The following BIN1 variants were observed in gnomAD, a reference collection of about 807,000 sequenced individuals.
BIN1 encodes the protein myc box-dependent-interacting protein 1.
Under a neutral mutation model 82.0 loss-of-function variants are expected in BIN1, and 53 were observed. The observed-to-expected ratio is 0.65, with a 90% CI of 0.52 to 0.81. The LOEUF is 0.81. Ranked by LOEUF, BIN1 falls within the 40% of genes least tolerant of loss-of-function variation. The pLI is 0.00. For missense variants in BIN1, 642 were observed against 784.4 expected (o/e 0.82, Z 2.17); for synonymous variants, 302 against 328.0 (o/e 0.92, Z 0.86).
At chr2:127,081,700 C>CT in intron 1 of BIN1, 2 of 1,025,262 alleles carry the variant, frequency 2.0e-6, no homozygotes, top group Non-Finnish European at 2.6e-6. Flanking sequence ...CCCCTCGTCC[C>CT]TGCAGTGGCA....
intron 14 of BIN1, 96 bp from the exon 15 acceptor site, chr2:127,052,458 A>C: frequency 8.1e-7 from 1 of 1,230,462 alleles, no homozygotes. Flanking sequence ...AAATGTCACC[A>C]GCGGCTGGGG....
At chr2:127,062,842 G>C (rs1408089306) in intron 9 of BIN1, among the ~76,000 whole-genome samples, 1 of 152,182 alleles carries the variant, frequency 6.6e-6, no homozygotes, top group Non-Finnish European at 1.5e-5. Context: ...AAAAGGAAAA[G>C]TTAAGAAGGA....
At position 127,082,771 on chromosome 2, in the gene BIN1, C is replaced by T. The variant is rs1475759850; in HGVS notation, c.85-6065G>A. ...CTCTCCCGGCTGCTGCTCACACCTC[C>T]CCATCCCCACTCCGACAGTGGAGCC... is the stretch of plus-strand genomic sequence containing the variant. On this transcript the variant is annotated intron_variant, in intron 1 of 18. Transcript: ENST00000316724. This position sits in a 1 kb window ranked among gnomAD's most constrained non-coding sequence, Gnocchi z 6.1. Among the ~76,000 whole-genome samples, 5 of 152,206 alleles carry T rather than the reference C, an allele frequency of 3.3e-5. No homozygotes were observed. Among genetic ancestry groups the T allele is most frequent in the Non-Finnish European group, 7.4e-5 (5 of 68,004 alleles).
chr2:127,069,872 G>C, intron 5 of BIN1, 123 bp downstream of exon 5: 7 of 983,414 alleles, frequency 7.1e-6, no homozygotes, highest in Admixed American at 4.2e-5. Context: ...GTGAAACACC[G>C]GGCCAGGCGC....
chr2:127,090,643 G>A lies in BIN1; in HGVS notation c.85-13937C>T, dbSNP rs1336490324. ...TGAGCTCAGTGGGGGAACAGCCTGT[G>A]CTGGGAGGAGCAGAGCACCAGCCCA... is the stretch of plus-strand genomic sequence containing the variant. On this transcript the variant is annotated intron_variant, in intron 1 of 18. Coordinates refer to ENST00000316724, the MANE Select transcript of BIN1 (RefSeq NM_139343.3). The surrounding 1 kb of genome is among the most constrained non-coding windows in gnomAD (Gnocchi z 6.4). Among the ~76,000 whole-genome samples, 4 of 152,210 alleles carry A rather than the reference G, an allele frequency of 2.6e-5. No homozygotes were observed. The highest frequency in any genetic ancestry group is 6.5e-5 in the Admixed American group (1 of 15,282).
chr2:127,095,964 G>T (rs1679547464), intron 1 of BIN1, among the ~76,000 whole-genome samples: 1 of 152,192 alleles, frequency 6.6e-6, no homozygotes, highest in African/African-American at 2.4e-5. Context: ...TGAGAGAGGA[G>T]TCTCCCACTT....
intron 12 of BIN1, chr2:127,054,241 G>A: frequency 1.7e-6 from 1 of 581,264 alleles, no homozygotes; most frequent in Non-Finnish European, 3.2e-6. Flanking sequence ...CCCCGGCACA[G>A]GCTCCCGCCC....
chr2:127,058,861 G>T lies in BIN1; in HGVS notation c.1002+150C>A, dbSNP rs975881348. On this transcript the variant is annotated intron_variant, in intron 11 of 18. Transcript: ENST00000316724. ...GCTGGATGGGGGAAAGGAGACCCAG[G>T]TCCAGGCCCAACCCCCACTGGGCAA... The T allele has an allele frequency of 7.9e-6, 10 of 1,261,304 alleles. No homozygotes were observed. The African/African-American group carries it at 1.5e-4, about 19-fold the overall frequency. The allele number at this position is 1,261,304 out of a possible 1,614,324, so 78.1% of individuals were successfully genotyped here. A position where few individuals can be genotyped will look rare whatever the true frequency, so the allele number is the denominator to read the frequency against.
chr2:127,069,938 C>T, intron 5 of BIN1, 57 bp downstream of exon 5: 1 of 1,568,158 alleles, frequency 6.4e-7, no homozygotes, highest in South Asian at 1.1e-5. Flanking sequence ...TAGGCCCTGT[C>T]CTCTCTCCAG....
At chr2:127,049,109 CG>C (rs1682543733) in intron 18 of BIN1, among the ~76,000 whole-genome samples, 1 of 152,204 alleles carries the variant, frequency 6.6e-6, no homozygotes, top group Non-Finnish European at 1.5e-5. Flanking sequence ...AGGTGGGTCA[CG>C]GGGAGCCGTA....
At chr2:127,069,306 C>T (rs77374805) in intron 5 of BIN1, among the ~76,000 whole-genome samples, 1,652 of 152,266 alleles carry the variant, frequency 0.011, 29 homozygotes, top group African/African-American at 0.038. Flanking sequence ...TTGGCCTGGC[C>T]CCTGGCTTCT....
intron 1 of BIN1, among the ~76,000 whole-genome samples, chr2:127,084,535 A>C (rs1468857271): frequency 1.3e-5 from 2 of 152,136 alleles, no homozygotes; most frequent in Admixed American, 6.5e-5. Context: ...TTCTCCAAGG[A>C]ACCCTGATTT....
chr2:127,075,799 GCC>G (rs147025393), intron 2 of BIN1, among the ~76,000 whole-genome samples: 2 of 57,682 alleles, frequency 3.5e-5, no homozygotes, highest in South Asian at 6.0e-4. Flanking sequence ...CCTCCCAGCT[GCC>G]CCCCCCACCG....
intron 1 of BIN1, among the ~76,000 whole-genome samples, chr2:127,089,931 C>A (rs111235477): frequency 6.6e-5 from 10 of 151,690 alleles, no homozygotes; most frequent in African/African-American, 1.7e-4. Context: ...CTGCTCCCCC[C>A]ACCCAGGGCT....
intron 7 of BIN1, among the ~76,000 whole-genome samples, chr2:127,066,142 GC>G (rs1213281287): frequency 1.3e-5 from 2 of 152,200 alleles, no homozygotes; most frequent in African/African-American, 4.8e-5. Flanking sequence ...AAGCAGGGCA[GC>G]CCCGGAGTCC....
chr2:127,102,848 A>G (rs1035436868), intron 1 of BIN1, among the ~76,000 whole-genome samples: 1 of 152,236 alleles, frequency 6.6e-6, no homozygotes, highest in Non-Finnish European at 1.5e-5. Flanking sequence ...CTGAGACTGG[A>G]GAGATACAGG....
chr2:127,100,292 C>T (rs930984089), intron 1 of BIN1, among the ~76,000 whole-genome samples: 1 of 152,150 alleles, frequency 6.6e-6, no homozygotes, highest in Non-Finnish European at 1.5e-5. Flanking sequence ...AAGCCTAGAC[C>T]CCAGGTGGAG....
chr2:127,058,894 G>A, intron 11 of BIN1, 117 bp downstream of exon 11: 2 of 1,442,886 alleles, frequency 1.4e-6, no homozygotes, highest in Non-Finnish European at 1.9e-6. Flanking sequence ...CAAAGCATCG[G>A]GTCCATAGCT....
chr2:127,060,319 A>G (rs1224758916), intron 10 of BIN1, among the ~76,000 whole-genome samples: 1 of 152,150 alleles, frequency 6.6e-6, no homozygotes, highest in African/African-American at 2.4e-5. Context: ...CACGTCCTCC[A>G]TTGCTAAGTG....
Sources: allele counts gnomAD v4.1 joint callset (sites outside exome capture counted in the v4.1 genomes callset), GRCh38; gene constraint gnomAD v4.1.1; non-coding constraint Gnocchi (gnomAD v3.1); transcripts MANE v1.5; gene names NCBI Gene and HGNC (gene_info 2026-07-23, HGNC 2026-07-21).